Variants in CLEC16A observed in about 807,000 individuals in gnomAD.
CLEC16A encodes the protein protein CLEC16A.
Under a neutral mutation model 109.5 loss-of-function variants are expected in CLEC16A, and 51 were observed. That is an observed-to-expected ratio of 0.47 (90% CI 0.37 to 0.59). The LOEUF (loss-of-function observed/expected upper bound fraction) is 0.59. CLEC16A is among the 20% of genes least tolerant of loss of function. The pLI is 0.00. For synonymous variants in CLEC16A, 673 were observed against 564.2 expected (o/e 1.19, Z -2.73); for missense variants, 1,339 against 1,394.0 (o/e 0.96, Z 0.63).
At chr16:10,958,050 T>TAAAAAAA in intron 2 of CLEC16A, 140 bp downstream of exon 2, 2 of 517,674 alleles carry the variant, frequency 3.9e-6, no homozygotes, top group East Asian at 3.3e-5. Flanking sequence ...TGTCTAGCTG[T>TAAAAAAA]AAAAAAAAAA....
intron 22 of CLEC16A, among the ~76,000 whole-genome samples, chr16:11,137,472 C>T (rs535819165): frequency 6.6e-6 from 1 of 151,826 alleles, no homozygotes; most frequent in African/African-American, 2.4e-5. Flanking sequence ...AAATGAAATG[C>T]CAGCTGGGCG....
intron 11 of CLEC16A, among the ~76,000 whole-genome samples, chr16:11,013,403 C>T (rs1054871510): frequency 1.3e-5 from 2 of 151,664 alleles, no homozygotes; most frequent in Admixed American, 6.6e-5. Context: ...CTGAGATGGG[C>T]GGATCATTTG....
intron 19 of CLEC16A, among the ~76,000 whole-genome samples, chr16:11,104,691 T>G (rs2051115613): frequency 1.3e-5 from 2 of 152,224 alleles, no homozygotes; most frequent in Non-Finnish European, 2.9e-5. Flanking sequence ...CACCCCAGCT[T>G]ACTTGTTCCC....
chr16:11,117,899 A>G lies in CLEC16A; in HGVS notation c.2117-2716A>G, dbSNP rs563242310. On this transcript the variant is annotated intron_variant, in intron 19 of 23. Transcript: ENST00000409790. ...GGTAGACCATAGATCTAATGGTCCT[A>G]TGTTACCCTGGTGATTTCCAAGTCA... 3.3e-5 allele frequency among the ~76,000 whole-genome samples: 5 copies of G among 152,224 alleles called. No homozygotes were observed. In the South Asian group the frequency reaches 6.2e-4, roughly 19 times the overall value.
At chr16:10,951,240 G>A (rs764145163) in intron 1 of CLEC16A, among the ~76,000 whole-genome samples, 4 of 152,156 alleles carry the variant, frequency 2.6e-5, no homozygotes, top group South Asian at 2.1e-4. Context: ...GGCAAAGCTC[G>A]GATATTGAGA....
At chr16:10,996,229 C>T (rs1033836555) in intron 10 of CLEC16A, among the ~76,000 whole-genome samples, 2 of 152,202 alleles carry the variant, frequency 1.3e-5, no homozygotes, top group African/African-American at 4.8e-5. Flanking sequence ...AGGCTGTGAG[C>T]CTGAAGAACC....
In CLEC16A at chr16:11,048,839, G is replaced by A. The variant is rs1028609879; in HGVS notation, c.1866+1497G>A. Among the ~76,000 whole-genome samples, 3 of 151,696 alleles carry A rather than the reference G, an allele frequency of 2.0e-5. No individual in the cohort carries two copies. The East Asian group carries it at 5.8e-4, about 29-fold the overall frequency. ...TCATTTGTTATTTCCTCTTACCCCC[G>A]AGACATCCCCCTGCAATGTCATTTC... On this transcript the variant is annotated intron_variant, in intron 17 of 23. Coordinates refer to ENST00000409790, the MANE Select transcript of CLEC16A (RefSeq NM_015226.3).
chr16:11,109,182 A>G (rs1176589779), intron 19 of CLEC16A, among the ~76,000 whole-genome samples: 1 of 86,950 alleles, frequency 1.2e-5, no homozygotes, highest in Non-Finnish European at 2.6e-5. Context: ...TTTTTTTTTT[A>G]TTAGATGGAG....
intron 12 of CLEC16A, among the ~76,000 whole-genome samples, chr16:11,020,608 C>T (rs1481574669): frequency 6.6e-6 from 1 of 152,264 alleles, no homozygotes; most frequent in Admixed American, 6.5e-5. Context: ...GTCTAAAGGA[C>T]ATGGGTTGCT....
chr16:11,115,915 C>T (rs1344595384), intron 19 of CLEC16A, among the ~76,000 whole-genome samples: 1 of 151,432 alleles, frequency 6.6e-6, no homozygotes, highest in Non-Finnish European at 1.5e-5. Context: ...CAAGGTCTCA[C>T]TATGTTGCCC....
rs56911220 is a variant in CLEC16A at position 11,018,748 on chromosome 16, C to CAAAA, written c.1304-1431_1304-1428dup. 1.0e-4 allele frequency among the ~76,000 whole-genome samples: 10 copies of CAAAA among 96,250 alleles called. No individual in the cohort carries two copies. The Middle Eastern group carries it at 0.024, about 235-fold the overall frequency. 63.1% of individuals were successfully genotyped at this position (96,250 alleles called of 152,430 possible). A position where few individuals can be genotyped will look rare whatever the true frequency, so the allele number is the denominator to read the frequency against. ...TGGGCGACAGAGCGAGACTCCATCT[C>CAAAA]AAAAAAAAAAAAAAAAATGGAGACA... On this transcript the variant is annotated intron_variant, in intron 11 of 23. Transcript: ENST00000409790.
At chr16:11,168,710 C>T (rs965159211) in intron 23 of CLEC16A, among the ~76,000 whole-genome samples, 1 of 152,278 alleles carries the variant, frequency 6.6e-6, no homozygotes, top group Non-Finnish European at 1.5e-5. Flanking sequence ...CAGACCAAAG[C>T]ATATGGGCTT....
At chr16:11,129,354 G>GA (rs1239235824) in intron 22 of CLEC16A, among the ~76,000 whole-genome samples, 2 of 152,054 alleles carry the variant, frequency 1.3e-5, no homozygotes, top group Admixed American at 6.5e-5. Context: ...CCAAAACATA[G>GA]AAAAAAATTG....
At chr16:11,089,105 C>G (rs1410813580) in intron 19 of CLEC16A, among the ~76,000 whole-genome samples, 1 of 152,186 alleles carries the variant, frequency 6.6e-6, no homozygotes, top group African/African-American at 2.4e-5. Context: ...ACGTATTCCT[C>G]TGGGTGGATA....
chr16:11,027,674 T>A, intron 13 of CLEC16A: 1 of 1,567,562 alleles, frequency 6.4e-7, no homozygotes, highest in South Asian at 1.1e-5. Flanking sequence ...CCCATCATGC[T>A]ACCAAAAATA....
chr16:10,988,985 G>A (rs2043834123), intron 10 of CLEC16A, among the ~76,000 whole-genome samples: 2 of 152,178 alleles, frequency 1.3e-5, no homozygotes, highest in South Asian at 4.1e-4. Flanking sequence ...CTGGACTGAT[G>A]AATGTGGAAA....
At chr16:11,004,796 C>T (rs1339412087) in intron 11 of CLEC16A, among the ~76,000 whole-genome samples, 1 of 151,726 alleles carries the variant, frequency 6.6e-6, no homozygotes, top group Non-Finnish European at 1.5e-5. Context: ...TTGAGATCTC[C>T]AGCCTCCTCT....
Position 11,123,859 on chromosome 16 carries a change from T to C in CLEC16A, c.2386T>C (p.Ser796Pro). ...FPILQATFIF[S>P]DHIRCIIAKQ... ...CATCCTCCAGGCCACCTTCATCTTCTCAGACCACATCCGCTGCATCATCGC... is the reference window on the plus strand; with the variant it reads ...CATCCTCCAGGCCACCTTCATCTTCCCAGACCACATCCGCTGCATCATCGC... Residue 796 changes from serine to proline, a missense_variant, in exon 21 of 24, where the codon TCA becomes CCA. Ser to Pro is a moderately conservative substitution (Grantham distance 74). Around this residue, in one of 3 missense-constraint regions of CLEC16A, gnomAD observed 1,061 missense variants for 1,006.8 expected, o/e 1.05. Coordinates refer to ENST00000409790, the MANE Select transcript of CLEC16A (RefSeq NM_015226.3). 6.2e-7 allele frequency: 1 copy of C among 1,613,842 alleles called. No individual in the cohort carries two copies. The highest frequency in any genetic ancestry group is 2.2e-5 in the East Asian group (1 of 44,900).
chr16:10,965,229 G>C (rs1183040417), intron 3 of CLEC16A, among the ~76,000 whole-genome samples: 1 of 152,208 alleles, frequency 6.6e-6, no homozygotes, highest in Non-Finnish European at 1.5e-5. Flanking sequence ...TCACCACAGT[G>C]CTTTTATAAG....
Sources: gnomAD v4.1 joint callset for allele counts (sites outside exome capture counted in the v4.1 genomes callset) on GRCh38, gnomAD v4.1.1 for gene constraint, gnomAD v4.1.1 regional missense constraint, MANE v1.5 for transcripts, NCBI Gene and HGNC (gene_info 2026-07-23, HGNC 2026-07-21) for gene names.